GGA2: variants seen among roughly 807,000 people sequenced by gnomAD.
GGA2 encodes the protein ADP-ribosylation factor-binding protein GGA2.
A neutral mutation model predicts 79.5 loss-of-function variants in GGA2; 48 were observed. The ratio of observed to expected loss-of-function variants is 0.60; its 90% confidence interval spans 0.48 to 0.77. The LOEUF (loss-of-function observed/expected upper bound fraction) is 0.77. Among genes scored for constraint, GGA2 ranks in the 30% least tolerant of loss-of-function variants. The pLI is 0.00. For missense variants in GGA2, 770 were observed against 774.0 expected, an observed-to-expected ratio of 0.99 and a Z score of 0.06; for synonymous variants, 317 against 302.0, an observed-to-expected ratio of 1.05 and a Z score of -0.51.
chr16:23,518,002 T>A (rs2142152510), intron 2 of GGA2, among the ~76,000 whole-genome samples: 1 of 152,022 alleles, frequency 6.6e-6, no homozygotes, highest in East Asian at 1.9e-4. Flanking sequence ...AACCTCTGCC[T>A]CCCGGATTCA....
chr16:23,493,363 TG>T lies in GGA2; in HGVS notation c.347del (p.Pro116GlnfsTer40). The T allele has an allele frequency of 6.3e-7, 1 of 1,583,834 alleles. No individual in the cohort carries two copies. The highest frequency in any genetic ancestry group is 8.7e-7 in the Non-Finnish European group (1 of 1,152,272). ...FLNELIKVLS[P>X]KYLGSWATGK... Reference sequence around the variant, plus strand: ...AGAGCCAAGCCCAGGTACTCACCTTTGGGGACAACACTTTGATCAGTTCGTT... The same window carrying T: ...AGAGCCAAGCCCAGGTACTCACCTTTGGGACAACACTTTGATCAGTTCGTT... On this transcript the variant is annotated frameshift_variant, in exon 4 of 17. Coordinates refer to ENST00000309859, the MANE Select transcript of GGA2 (RefSeq NM_015044.4). LOFTEE classifies it high-confidence loss of function.
intron 1 of GGA2, among the ~76,000 whole-genome samples, chr16:23,510,073 C>T (rs1965019467): frequency 1.0e-5 from 1 of 95,910 alleles, no homozygotes; most frequent in Non-Finnish European, 2.0e-5. Flanking sequence ...TCCTGTGCTG[C>T]TGCTAAGTTG....
chr16:23,471,012 TAG>T (rs1375151925), intron 14 of GGA2, among the ~76,000 whole-genome samples: 4 of 151,818 alleles, frequency 2.6e-5, no homozygotes, highest in Admixed American at 6.6e-5. Flanking sequence ...GTGTTTTTAG[TAG>T]AGATGGGATT....
rs745748651 is a variant in GGA2, at chr16:23,494,345, C to A, written c.210G>T (p.Lys70Asn). The change falls in exon 3 of 17, where the codon AAG becomes AAT. Residue 70 changes from lysine to asparagine, a missense_variant. Transcript: ENST00000309859. The part of the protein sequence containing the change: ...PTHAPWLLAH[K>N]IQSPQEKEAL... ...CTTCCTTCTCTTGCGGAGACTGGAT[C>A]TTGTGGGCCAGTAGCCAGGGCGCAT... The A allele has an allele frequency of 6.2e-7, 1 of 1,613,378 alleles. No homozygotes were observed. Among genetic ancestry groups the A allele is most frequent in the Admixed American group, 1.7e-5 (1 of 60,026 alleles).
intron 6 of GGA2, among the ~76,000 whole-genome samples, chr16:23,488,333 G>C (rs936927182): frequency 6.6e-6 from 1 of 152,104 alleles, no homozygotes; most frequent in Non-Finnish European, 1.5e-5. Context: ...ATCTACACTG[G>C]GGTAAGGCAG....
intron 5 of GGA2, among the ~76,000 whole-genome samples, chr16:23,491,067 G>A (rs918959156): frequency 3.3e-5 from 5 of 151,790 alleles, no homozygotes; most frequent in Non-Finnish European, 7.4e-5. Context: ...GAGACAGCAA[G>A]TGAGACAGAG....
intron 1 of GGA2, among the ~76,000 whole-genome samples, chr16:23,496,378 T>C (rs1374869375): frequency 6.6e-6 from 1 of 151,338 alleles, no homozygotes; most frequent in African/African-American, 2.4e-5. Context: ...AGTGCAGAGG[T>C]TGGCCCGGGT....
chr16:23,500,333 C>T (rs890905138), intron 1 of GGA2, among the ~76,000 whole-genome samples: 9 of 152,224 alleles, frequency 5.9e-5, no homozygotes, highest in African/African-American at 1.2e-4. Flanking sequence ...AGCTGCCTCA[C>T]GGGGAACATG....
chr16:23,517,837 G>T (rs1230228847), intron 2 of GGA2, among the ~76,000 whole-genome samples: 2 of 152,166 alleles, frequency 1.3e-5, no homozygotes, highest in African/African-American at 2.4e-5. Flanking sequence ...CTAACCTCGT[G>T]ATCTGCCTGC....
intron 2 of GGA2, among the ~76,000 whole-genome samples, chr16:23,519,304 A>G (rs1447643579): frequency 2.0e-5 from 3 of 152,102 alleles, no homozygotes; most frequent in Admixed American, 6.5e-5. Context: ...TGGCCTCCCA[A>G]TGTGCTGGGA....
At chr16:23,471,262 A>G (rs1430153306) in intron 14 of GGA2, among the ~76,000 whole-genome samples, 1 of 152,176 alleles carries the variant, frequency 6.6e-6, no homozygotes, top group African/African-American at 2.4e-5. Flanking sequence ...TAATTGTACA[A>G]AACTGTAGAT....
At chr16:23,480,403 G>A (rs888309738) in intron 10 of GGA2, 6 of 438,898 alleles carry the variant, frequency 1.4e-5, no homozygotes, top group African/African-American at 5.9e-5. Context: ...GAATTCAAAC[G>A]CAGGCACAGC....
intron 11 of GGA2, 113 bp downstream of exon 11, chr16:23,479,652 T>C (rs1365672339): frequency 8.1e-7 from 1 of 1,240,810 alleles, no homozygotes; most frequent in African/African-American, 1.6e-5. Context: ...ACTCTTCCTA[T>C]TCACAACCAT....
At chr16:23,510,556 C>A, upstream of GGA2, 1 of 389,720 alleles carries the variant, frequency 2.6e-6, no homozygotes, top group Non-Finnish European at 4.5e-6. Context: ...ACCCCAGGCC[C>A]CCCCTCCACG....
chr16:23,489,042 C>G (rs1964750315), intron 5 of GGA2, among the ~76,000 whole-genome samples: 1 of 152,106 alleles, frequency 6.6e-6, no homozygotes, highest in African/African-American at 2.4e-5. Context: ...CTGGAGGGTC[C>G]CTGATGAAGC....
chr16:23,516,211 T>G (rs1478145366), intron 2 of GGA2, among the ~76,000 whole-genome samples: 1 of 151,956 alleles, frequency 6.6e-6, no homozygotes, highest in Non-Finnish European at 1.5e-5. Flanking sequence ...GGGGTCTTAC[T>G]ATGTTGCCCA....
intron 9 of GGA2, among the ~76,000 whole-genome samples, chr16:23,481,341 C>T (rs185833532): frequency 2.2e-4 from 34 of 152,212 alleles, no homozygotes; most frequent in Admixed American, 2.2e-3. Context: ...CCATTGCACT[C>T]CAGCCGGGGC....
intron 13 of GGA2, among the ~76,000 whole-genome samples, chr16:23,475,280 C>T (rs1006602943): frequency 7.3e-5 from 11 of 150,848 alleles, no homozygotes; most frequent in Admixed American, 2.0e-4. Context: ...ACCTCTGCCT[C>T]CCAGGCTCAA....
intron 1 of GGA2, among the ~76,000 whole-genome samples, chr16:23,508,005 T>A (rs1964992167): frequency 6.6e-6 from 1 of 151,518 alleles, no homozygotes; most frequent in South Asian, 2.1e-4. Context: ...CAGCCTCAGT[T>A]CCAGGCACTC....
Sources: allele counts gnomAD v4.1 joint callset (sites outside exome capture counted in the v4.1 genomes callset), GRCh38; gene constraint gnomAD v4.1.1; transcripts MANE v1.5; gene names NCBI Gene and HGNC (gene_info 2026-07-23, HGNC 2026-07-21).